The following COL6A1 variants were observed in gnomAD, a reference collection of about 807,000 sequenced individuals.
COL6A1 encodes collagen type VI alpha 1 chain.
COL6A1 carries 80 observed loss-of-function variants against 145.6 expected under a neutral mutation model. That is an observed-to-expected ratio of 0.55 (90% CI 0.46 to 0.66). COL6A1 has a LOEUF of 0.66. Ranked by LOEUF, COL6A1 falls within the 30% of genes least tolerant of loss-of-function variation. The probability of loss-of-function intolerance (pLI) is 0.00; values close to 1 mark genes in which losing one functional copy is unlikely to be tolerated. For synonymous variants in COL6A1, 638 were observed against 622.8 expected (o/e 1.02, Z -0.36); for missense variants, 1,364 against 1,473.8 (o/e 0.93, Z 1.22).
At chr21:45,985,273 C>T (rs1230697959) in intron 3 of COL6A1, among the ~76,000 whole-genome samples, 1 of 148,820 alleles carries the variant, frequency 6.7e-6, no homozygotes, top group Admixed American at 6.6e-5. Context: ...GAGATAGAGA[C>T]AGAGGGACAG....
At chr21:45,981,996 C>A in intron 1 of COL6A1, 49 bp downstream of exon 1, 3 of 1,444,582 alleles carry the variant, frequency 2.1e-6, no homozygotes, top group Non-Finnish European at 1.9e-6. Flanking sequence ...CTCTTTGCTG[C>A]CGGCCAGGGC....
At position 45,994,208 on chromosome 21, in the gene COL6A1, C is replaced by T. The variant is rs750717663; in HGVS notation, c.1377C>T (p.Pro459=). ...AGGGTGATCAGGGAAGAGAAGGCCC[C>T]GTTGGTGTCCCTGGAGACCCGGTAG... The part of the protein sequence containing the change: ...GPQGDQGREG[P]VGVPGDPGEA... Residue 459 remains proline (P), a synonymous_variant, in exon 20 of 35, where the codon CCC becomes CCT. Coordinates refer to ENST00000361866, the MANE Select transcript of COL6A1 (RefSeq NM_001848.3). The surrounding 1 kb of genome is among the most constrained non-coding windows in gnomAD (Gnocchi z 6.8). 2.9e-5 allele frequency: 47 copies of T among 1,609,350 alleles called. No homozygotes were observed. The highest frequency in any genetic ancestry group is 4.0e-5 in the African/African-American group (3 of 74,810).
intron 28 of COL6A1, 40 bp from the exon 29 acceptor site, chr21:46,000,719 G>T: frequency 6.2e-7 from 1 of 1,613,874 alleles, no homozygotes; most frequent in East Asian, 2.2e-5. Flanking sequence ...CGCAGGACGC[G>T]GCCCTGACTG....
intron 20 of COL6A1, among the ~76,000 whole-genome samples, chr21:45,995,693 G>A (rs1345317085): frequency 6.6e-6 from 1 of 152,220 alleles, no homozygotes; most frequent in African/African-American, 2.4e-5. Flanking sequence ...GCTGCACAGG[G>A]GCTGGTGGGT....
chr21:45,997,518 A>T, intron 21 of COL6A1, 35 bp downstream of exon 21: 1 of 1,575,824 alleles, frequency 6.3e-7, no homozygotes, highest in Non-Finnish European at 8.7e-7. Flanking sequence ...CCGCCCACCC[A>T]GGGGGGCCTG....
Position 46,002,015 on chromosome 21 carries a change from C to T in COL6A1, c.2011C>T (p.Gln671Ter). Reference protein sequence around the residue: ...GVVQYSHSQMQEHVSLRSPSI... With the variant: ...GVVQYSHSQM ...GGTGCAGTACAGCCACAGCCAGATG[C>T]AGGAGCACGTGAGCCTGCGCAGCCC... The change falls in exon 31 of 35, where the codon CAG (glutamine) becomes TAG (stop). Residue 671 changes from glutamine (Q) to a stop codon, truncating the protein, a stop_gained. Coordinates refer to ENST00000361866, the MANE Select transcript of COL6A1 (RefSeq NM_001848.3). LOFTEE classifies it high-confidence loss of function. 1.2e-6 allele frequency: 2 copies of T among 1,612,730 alleles called. No individual in the cohort carries two copies. Among genetic ancestry groups the T allele is most frequent in the Non-Finnish European group, 1.7e-6 (2 of 1,179,890 alleles).
In COL6A1 at chr21:46,001,203, G is replaced by A. The variant is rs764506130; in HGVS notation, c.1823-50G>A. 6 of 1,587,842 alleles carry A rather than the reference G, an allele frequency of 3.8e-6. No individual in the cohort carries two copies. In the South Asian group the frequency reaches 6.6e-5, roughly 17 times the overall value. On this transcript the variant is annotated intron_variant, in intron 29 of 34. Transcript: ENST00000361866. ...CCAGGGCGGTGGAGGGGAGGGGCCAGGGCACTGGAGGGGAGGGGCGTGCTC... is the reference window on the plus strand; with the variant it reads ...CCAGGGCGGTGGAGGGGAGGGGCCAAGGCACTGGAGGGGAGGGGCGTGCTC...
Position 45,984,346 on chromosome 21 carries a change from G to T in COL6A1, c.305G>T (p.Gly102Val), listed in dbSNP as rs991062845. ...HYSDEVEIIQ[G>V]LTRMPGGRDA... Reference sequence around the variant, plus strand: ...AGTGACGAGGTGGAGATCATCCAAGGCCTCACGCGCATGCCTGGCGGCCGC... The same window carrying T: ...AGTGACGAGGTGGAGATCATCCAAGTCCTCACGCGCATGCCTGGCGGCCGC... Residue 102 changes from glycine to valine, a missense_variant, in exon 3 of 35, where the codon GGC becomes GTC. By Grantham distance (109) the Gly-to-Val change is moderately radical. Around this residue, in one of 3 missense-constraint regions of COL6A1, gnomAD observed 414 missense variants for 437.6 expected, o/e 0.95. Coordinates refer to ENST00000361866, the MANE Select transcript of COL6A1 (RefSeq NM_001848.3). The T allele has an allele frequency of 1.9e-6, 3 of 1,612,528 alleles. No homozygotes were observed. The highest frequency in any genetic ancestry group is 2.7e-5 in the African/African-American group (2 of 75,064).
intron 26 of COL6A1, chr21:45,999,452 C>G: frequency 1.3e-6 from 1 of 749,002 alleles, no homozygotes; most frequent in Admixed American, 2.1e-5. Context: ...TGGGGCCCAC[C>G]TGGGATGGCC....
intron 20 of COL6A1, among the ~76,000 whole-genome samples, chr21:45,996,118 T>A (rs1000608230): frequency 6.6e-6 from 1 of 152,240 alleles, no homozygotes; most frequent in Non-Finnish European, 1.5e-5. Flanking sequence ...TCCTGCTGTC[T>A]GTGGCACAGT....
chr21:45,986,924 A>T lies in COL6A1; in HGVS notation c.589-20A>T, dbSNP rs954477080. ...CAGGGGTCCCAGCCCTGCTCAGCCCACCCTGAACACTGCCCCCAGGAGCCG... is the reference window on the plus strand; with the variant it reads ...CAGGGGTCCCAGCCCTGCTCAGCCCTCCCTGAACACTGCCCCCAGGAGCCG... On this transcript the variant is annotated intron_variant, in intron 4 of 34. Coordinates refer to ENST00000361866, the MANE Select transcript of COL6A1 (RefSeq NM_001848.3). 3.9e-6 allele frequency: 6 copies of T among 1,542,430 alleles called. No homozygotes were observed. Among genetic ancestry groups the T allele is most frequent in the Non-Finnish European group, 5.2e-6 (6 of 1,148,920 alleles).
At chr21:45,987,326 G>T in intron 6 of COL6A1, 151 bp downstream of exon 6, 1 of 1,478,360 alleles carries the variant, frequency 6.8e-7, no homozygotes, top group Non-Finnish European at 9.3e-7. Flanking sequence ...CCCGGGATGT[G>T]TGTCCCCCTG....
intron 27 of COL6A1, 31 bp from the exon 28 acceptor site, chr21:46,000,300 G>A: frequency 6.2e-7 from 1 of 1,613,574 alleles, no homozygotes; most frequent in Non-Finnish European, 8.5e-7. Flanking sequence ...GGCTGTCTAT[G>A]GCCCCAGTAC....
In COL6A1 at chr21:45,986,640, C is replaced by G. The variant is rs1378555453; in HGVS notation, c.543C>G (p.His181Gln). The G allele has an allele frequency of 1.9e-6, 3 of 1,552,412 alleles. No homozygotes were observed. In the Admixed American group the frequency reaches 5.8e-5, roughly 30 times the overall value. The change falls in exon 4 of 35, where the codon CAC becomes CAG. Residue 181 changes from histidine (H) to glutamine (Q), a missense_variant. His to Gln is a conservative substitution (Grantham distance 24). Transcript: ENST00000361866. ...AGGATGCTGTGAACGAGGCCAAGCA[C>G]CTGGGCGTCAAAGTCTTCTCGGTGG... Reference protein sequence around the residue: ...GLEDAVNEAKHLGVKVFSVAI... With the variant: ...GLEDAVNEAKQLGVKVFSVAI...
At chr21:45,990,866 T>C (rs1190638330) in intron 14 of COL6A1, 40 bp downstream of exon 14, 2 of 1,599,618 alleles carry the variant, frequency 1.3e-6, no homozygotes, top group Non-Finnish European at 1.7e-6. Flanking sequence ...AAACTAGCGC[T>C]GTCAGCAGCA....
chr21:45,996,351 G>A (rs2077804432), intron 20 of COL6A1, among the ~76,000 whole-genome samples: 1 of 152,238 alleles, frequency 6.6e-6, no homozygotes, highest in Non-Finnish European at 1.5e-5. Context: ...CCTGACTGCT[G>A]GGGCGTTGAC....
chr21:46,000,634 AG>A, intron 28 of COL6A1, 124 bp from the exon 29 acceptor site: 1 of 1,344,040 alleles, frequency 7.4e-7, no homozygotes, highest in East Asian at 2.3e-5. Context: ...AGGCCGGGGA[AG>A]GGGGGAGGCC....
rs1320842202 is a variant in COL6A1 at position 46,003,856 on chromosome 21, A to G, written c.2930A>G (p.Gln977Arg). The G allele has an allele frequency of 3.1e-6, 5 of 1,600,472 alleles. No individual in the cohort carries two copies. The highest frequency in any genetic ancestry group is 4.3e-6 in the Non-Finnish European group (5 of 1,170,574). Residue 977 changes from glutamine to arginine, a missense_variant, in exon 35 of 35, where the codon CAG (glutamine) becomes CGG (arginine). Coordinates refer to ENST00000361866, the MANE Select transcript of COL6A1 (RefSeq NM_001848.3). ...ATCTTCGTGGTGGTCGTGGGCCGCC[A>G]GGTGAATGAGCCCCACATCCGCGTC... ...IEIFVVVVGR[Q>R]VNEPHIRVLV...
chr21:45,984,575 G>C (rs1381254577), intron 3 of COL6A1, 106 bp downstream of exon 3: 23 of 1,110,722 alleles, frequency 2.1e-5, no homozygotes, highest in Middle Eastern at 2.0e-4. Flanking sequence ...CAGCCTCCCT[G>C]TTCTCTTGGA....
Sources: gnomAD v4.1 joint callset for allele counts (sites outside exome capture counted in the v4.1 genomes callset) on GRCh38, gnomAD v4.1.1 for gene constraint, gnomAD v4.1.1 regional missense constraint, Gnocchi (gnomAD v3.1) non-coding constraint, MANE v1.5 for transcripts, NCBI Gene and HGNC (gene_info 2026-07-23, HGNC 2026-07-21) for gene names.